Variants in ZNF431 observed in about 807,000 individuals in gnomAD.
The protein encoded by ZNF431 is zinc finger protein 431.
A neutral mutation model predicts 57.0 loss-of-function variants in ZNF431; 34 were observed. The observed-to-expected ratio is 0.60, with a 90% CI of 0.45 to 0.79. The LOEUF is 0.79. Ranked by LOEUF, ZNF431 falls within the 30% of genes least tolerant of loss-of-function variation. The pLI is 0.00. For missense variants in ZNF431, 607 were observed against 667.1 expected (o/e 0.91, Z 0.99); for synonymous variants, 207 against 220.3 (o/e 0.94, Z 0.54).
intron 2 of ZNF431, among the ~76,000 whole-genome samples, chr19:21,146,298 TA>T (rs1970092716): frequency 6.6e-6 from 1 of 151,374 alleles, no homozygotes; most frequent in South Asian, 2.1e-4. Context: ...TAATCCCAGC[TA>T]CTCAGGAGAC....
Position 21,142,084 on chromosome 19 carries a change from T to C in ZNF431, c.-100T>C. Reference sequence around the variant, plus strand: ...GCTCCAGGTCTCCCCTTCGCTGCTCTGTGTCCTCTGCTCCTAGAGGCCCAA... The same window carrying C: ...GCTCCAGGTCTCCCCTTCGCTGCTCCGTGTCCTCTGCTCCTAGAGGCCCAA... On this transcript the variant is annotated 5_prime_UTR_variant, in exon 1 of 5. Transcript: ENST00000311048. 1 of 1,517,960 alleles carries C rather than the reference T, an allele frequency of 6.6e-7. No individual in the cohort carries two copies. The highest frequency in any genetic ancestry group is 1.1e-5 in the South Asian group (1 of 87,634). 94.0% of individuals were successfully genotyped at this position (1,517,960 alleles called of 1,614,324 possible). A position where few individuals can be genotyped will look rare whatever the true frequency, so the allele number is the denominator to read the frequency against.
intron 4 of ZNF431, among the ~76,000 whole-genome samples, chr19:21,177,144 A>G (rs1483582864): frequency 6.6e-6 from 1 of 152,128 alleles, no homozygotes; most frequent in African/African-American, 2.4e-5. Flanking sequence ...GATTTTCTTC[A>G]GGGGTTCTTG....
intron 2 of ZNF431, chr19:21,149,811 T>C: frequency 1.5e-6 from 1 of 651,652 alleles, no homozygotes; most frequent in Non-Finnish European, 2.9e-6. Context: ...AAAGCACCTT[T>C]GTCTTCTGAG....
chr19:21,178,793 TTG>T (rs61125024), intron 4 of ZNF431, among the ~76,000 whole-genome samples: 22,433 of 148,596 alleles, frequency 0.15, 1,898 homozygotes, highest in Non-Finnish European at 0.2. Flanking sequence ...ACTTGAAGGT[TTG>T]TGTGTGTGTG....
chr19:21,189,750 T>C lies in ZNF431; in HGVS notation c.*5716T>C. ...GGGATTAAGTTTTTTGGAATCCATG[T>C]GTAAGTGAAATTATGAGACACTAAT... On this transcript the variant is annotated 3_prime_UTR_variant, in exon 5 of 5. Coordinates refer to ENST00000311048, the MANE Select transcript of ZNF431 (RefSeq NM_133473.4). The C allele has an allele frequency of 2.5e-6, 1 of 394,342 alleles. No individual in the cohort carries two copies. The highest frequency in any genetic ancestry group is 4.5e-6 in the Non-Finnish European group (1 of 223,842). The allele number at this position is 394,342 out of a possible 1,614,324, so 24.4% of individuals were successfully genotyped here.
intron 2 of ZNF431, among the ~76,000 whole-genome samples, chr19:21,161,564 A>G (rs1029354033): frequency 3.3e-5 from 5 of 152,224 alleles, no homozygotes; most frequent in African/African-American, 1.2e-4. Flanking sequence ...AGGTAAACTT[A>G]GGAAAAACTG....
At chr19:21,171,979 C>CA (rs1444789088) in intron 4 of ZNF431, among the ~76,000 whole-genome samples, 1 of 151,292 alleles carries the variant, frequency 6.6e-6, no homozygotes. Context: ...CTTGGCCTCC[C>CA]AAAGTTCTGG....
Position 21,183,117 on chromosome 19 carries a change from T to C in ZNF431, c.814T>C (p.Ser272Pro), listed in dbSNP as rs371341558. 6 of 1,613,962 alleles carry C rather than the reference T, an allele frequency of 3.7e-6. No homozygotes were observed. Among genetic ancestry groups the C allele is most frequent in the Non-Finnish European group, 5.1e-6 (6 of 1,179,948 alleles). Residue 272 changes from serine (S) to proline (P), a missense_variant, in exon 5 of 5, where the codon TCC (serine) becomes CCC (proline). Physicochemically the swap from Ser to Pro is moderately conservative, Grantham distance 74. Transcript: ENST00000311048. ...AGAATGTGGCAAAGCTTTTAAGCAG[T>C]CCTCAACCCTTACTACACATAAGAT... ...CEECGKAFKQ[S>P]STLTTHKIIH...
intron 2 of ZNF431, among the ~76,000 whole-genome samples, chr19:21,161,181 A>C (rs1443321792): frequency 6.6e-6 from 1 of 152,012 alleles, no homozygotes; most frequent in East Asian, 1.9e-4. Context: ...TAAATAAATA[A>C]ATAAATAAAT....
chr19:21,174,954 G>T (rs1381324397), intron 4 of ZNF431, among the ~76,000 whole-genome samples: 2 of 151,986 alleles, frequency 1.3e-5, no homozygotes, highest in African/African-American at 4.8e-5. Flanking sequence ...TAGAGACGGG[G>T]TTTCACCATG....
chr19:21,161,951 G>A (rs1476061653), intron 2 of ZNF431, among the ~76,000 whole-genome samples: 1 of 151,860 alleles, frequency 6.6e-6, no homozygotes, highest in Non-Finnish European at 1.5e-5. Flanking sequence ...ACCGCACCAA[G>A]CGTTCACCCC....
intron 2 of ZNF431, among the ~76,000 whole-genome samples, chr19:21,148,000 A>ATTT (rs140587802): frequency 6.9e-6 from 1 of 145,658 alleles, no homozygotes. Context: ...ATTTTTTTTA[A>ATTT]TTTTTTTTTT....
intron 2 of ZNF431, among the ~76,000 whole-genome samples, chr19:21,151,993 C>G (rs1051502794): frequency 2.0e-5 from 3 of 152,182 alleles, no homozygotes; most frequent in Non-Finnish European, 4.4e-5. Flanking sequence ...AGTGATGTGG[C>G]TGGCTGCACC....
At position 21,171,712 on chromosome 19, in the gene ZNF431, ATTTTTTTTTTTTT is replaced by A. The variant is rs550012306; in HGVS notation, c.319+4061_319+4073del. The stretch of plus-strand genomic sequence containing the variant: ...TCTAATGATGAATATATATATATAT[ATTTTTTTTTTTTT>A]TTTTTTTTTTTTTTAGACAGAGTCT... On this transcript the variant is annotated intron_variant, in intron 4 of 4. Coordinates refer to ENST00000311048, the MANE Select transcript of ZNF431 (RefSeq NM_133473.4). Among the ~76,000 whole-genome samples the A allele has an allele frequency of 5.5e-5, 5 of 90,908 alleles. No homozygotes were observed. In the South Asian group the frequency reaches 1.7e-3, roughly 31 times the overall value. 59.6% of individuals were successfully genotyped at this position (90,908 alleles called of 152,430 possible).
rs949866745 is a variant in ZNF431 at position 21,180,953 on chromosome 19, A to C, written c.320-1670A>C. 9.6e-4 allele frequency among the ~76,000 whole-genome samples: 146 copies of C among 152,042 alleles called. 2 individuals carry two copies. Among genetic ancestry groups the C allele is most frequent in the Middle Eastern group, 3.4e-3 (1 of 294 alleles). On this transcript the variant is annotated intron_variant, in intron 4 of 4. Transcript: ENST00000311048. ...AGACTCCATATCAAAAGAAAAAAAA[A>C]AAAAAAAGAACTTCAGTTGCATCCA...
chr19:21,156,437 C>G (rs369505515), intron 2 of ZNF431, among the ~76,000 whole-genome samples: 5 of 152,056 alleles, frequency 3.3e-5, no homozygotes, highest in African/African-American at 1.2e-4. Flanking sequence ...AAAATTGTGT[C>G]ATGGGAGTTT....
chr19:21,186,894 T>C lies in ZNF431; in HGVS notation c.*2860T>C, dbSNP rs1040768697. 1 of 152,182 alleles carries C rather than the reference T, an allele frequency of 6.6e-6. No individual in the cohort carries two copies. Among genetic ancestry groups the C allele is most frequent in the African/African-American group, 2.4e-5 (1 of 41,454 alleles). 9.4% of individuals were successfully genotyped at this position (152,182 alleles called of 1,614,324 possible). On this transcript the variant is annotated 3_prime_UTR_variant, in exon 5 of 5. Transcript: ENST00000311048. ...AGAACAATATATAGGTTTTCTTTAG[T>C]GATTTGTTCCTTTCACTTTTTATAA...
At chr19:21,165,691 G>T (rs944863936) in intron 2 of ZNF431, among the ~76,000 whole-genome samples, 4 of 151,848 alleles carry the variant, frequency 2.6e-5, no homozygotes, top group South Asian at 4.2e-4. Flanking sequence ...TCTGGTGCCT[G>T]CCCTTTTTTC....
intron 2 of ZNF431, 147 bp downstream of exon 2, chr19:21,143,790 A>T: frequency 1.9e-6 from 1 of 515,612 alleles, no homozygotes; most frequent in Non-Finnish European, 3.4e-6. Flanking sequence ...GGGGGCAGAA[A>T]GATAATGAAA....
Sources: allele counts gnomAD v4.1 joint callset (sites outside exome capture counted in the v4.1 genomes callset), GRCh38; gene constraint gnomAD v4.1.1; transcripts MANE v1.5; gene names NCBI Gene and HGNC (gene_info 2026-07-23, HGNC 2026-07-21).